The following SPR variants were observed in gnomAD, a reference collection of about 807,000 sequenced individuals.
SPR encodes the protein sepiapterin reductase.
A neutral mutation model predicts 16.0 loss-of-function variants in SPR; 12 were observed. The observed-to-expected ratio is 0.75, with a 90% CI of 0.48 to 1.22. The LOEUF (loss-of-function observed/expected upper bound fraction) is 1.22, where lower values mean the gene tolerates loss of function less well. Ranked by LOEUF, SPR falls within the 50% of genes most tolerant of loss-of-function variation. SPR has a pLI of 0.00. For missense variants in SPR, 324 were observed against 344.4 expected (o/e 0.94, Z 0.47); for synonymous variants, 177 against 168.5 (o/e 1.05, Z -0.39).
In SPR at chr2:72,891,554, T is replaced by C; in HGVS notation, c.*17T>C. 6.8e-6 allele frequency: 11 copies of C among 1,614,168 alleles called. No individual in the cohort carries two copies. Among genetic ancestry groups the C allele is most frequent in the Non-Finnish European group, 9.3e-6 (11 of 1,180,024 alleles). Reference sequence around the variant, plus strand: ...GACAAATAAGCCCATGTTTTTGGCTTCCTGAACCTTTTTGCCCCCACTTTT... The same window carrying C: ...GACAAATAAGCCCATGTTTTTGGCTCCCTGAACCTTTTTGCCCCCACTTTT... On this transcript the variant is annotated 3_prime_UTR_variant, in exon 3 of 3. Coordinates refer to ENST00000234454, the MANE Select transcript of SPR (RefSeq NM_003124.5).
chr2:72,891,294 C>T, intron 2 of SPR, 53 bp from the exon 3 acceptor site: 1 of 1,600,568 alleles, frequency 6.2e-7, no homozygotes, highest in Non-Finnish European at 8.6e-7. Flanking sequence ...GACCTGAAAC[C>T]TTCTGTCCCT....
In SPR at chr2:72,891,614, C is replaced by T; in HGVS notation, c.*77C>T. On this transcript the variant is annotated 3_prime_UTR_variant, in exon 3 of 3. Transcript: ENST00000234454. ...CCAGAGCCCTGTGGCTCCCCACACCCTGCCATAGGGGCAGTCCTGCCTTAC... is the reference window on the plus strand; with the variant it reads ...CCAGAGCCCTGTGGCTCCCCACACCTTGCCATAGGGGCAGTCCTGCCTTAC... 1 of 1,527,488 alleles carries T rather than the reference C, an allele frequency of 6.5e-7. No individual in the cohort carries two copies. Among genetic ancestry groups the T allele is most frequent in the Non-Finnish European group, 9.0e-7 (1 of 1,110,200 alleles). The allele number at this position is 1,527,488 out of a possible 1,614,324, so 94.6% of individuals were successfully genotyped here.
rs911807697 is a variant in SPR, at chr2:72,887,408, A to T, written c.-25A>T. ...CGCCTCCTGCCTGGTCTCGGGTGCC[A>T]GCGCCGCCGGCGGAGAACAGGAGCA... On this transcript the variant is annotated 5_prime_UTR_variant, in exon 1 of 3. Transcript: ENST00000234454. The T allele has an allele frequency of 9.6e-6, 14 of 1,458,526 alleles. No homozygotes were observed. Among genetic ancestry groups the T allele is most frequent in the African/African-American group, 4.4e-5 (3 of 68,050 alleles). The allele number at this position is 1,458,526 out of a possible 1,614,324, so 90.3% of individuals were successfully genotyped here. A position where few individuals can be genotyped will look rare whatever the true frequency, so the allele number is the denominator to read the frequency against.
chr2:72,889,968 G>T (rs918519262), intron 2 of SPR, among the ~76,000 whole-genome samples: 3 of 152,250 alleles, frequency 2.0e-5, no homozygotes, highest in Non-Finnish European at 4.4e-5. Flanking sequence ...GGAATTCTCT[G>T]ATGTTCTGCC....
At chr2:72,890,491 G>A (rs1334337329) in intron 2 of SPR, among the ~76,000 whole-genome samples, 3 of 152,148 alleles carry the variant, frequency 2.0e-5, no homozygotes, top group South Asian at 2.1e-4. Context: ...ACAAGCGCCC[G>A]CCACCACACC....
Position 72,891,820 on chromosome 2 carries a change from A to G in SPR, c.*283A>G. The G allele has an allele frequency of 2.1e-6, 1 of 481,126 alleles. No homozygotes were observed. The highest frequency in any genetic ancestry group is 3.8e-6 in the Non-Finnish European group (1 of 263,046). 29.8% of individuals were successfully genotyped at this position (481,126 alleles called of 1,614,324 possible). The stretch of plus-strand genomic sequence containing the variant: ...CCAGGAATAGAACTTAAGGGGTGGG[A>G]AGAACAGGAAAAGAAGCTGGAACAC... On this transcript the variant is annotated 3_prime_UTR_variant, in exon 3 of 3. Coordinates refer to ENST00000234454, the MANE Select transcript of SPR (RefSeq NM_003124.5).
At chr2:72,888,998 T>C (rs1670582731) in intron 2 of SPR, among the ~76,000 whole-genome samples, 1 of 152,190 alleles carries the variant, frequency 6.6e-6, no homozygotes, top group African/African-American at 2.4e-5. Flanking sequence ...TGTTGCCTCA[T>C]TGTTAAATAG....
At chr2:72,888,931 G>A (rs1390766383) in intron 2 of SPR, among the ~76,000 whole-genome samples, 1 of 152,186 alleles carries the variant, frequency 6.6e-6, no homozygotes, top group African/African-American at 2.4e-5. Context: ...TGCCTCACAG[G>A]GCACTTGGGA....
chr2:72,891,527 A>T lies in SPR; in HGVS notation c.776A>T (p.Tyr259Phe). 1 of 1,614,234 alleles carries T rather than the reference A, an allele frequency of 6.2e-7. No individual in the cohort carries two copies. Among genetic ancestry groups the T allele is most frequent in the Non-Finnish European group, 8.5e-7 (1 of 1,180,028 alleles). The stretch of plus-strand genomic sequence containing the variant: ...AAGTCTGGAGCCCACGTGGACTTCT[A>T]TGACAAATAAGCCCATGTTTTTGGC... Reference protein sequence around the residue: ...EFKSGAHVDFYDK With the variant: ...EFKSGAHVDFFDK The change falls in exon 3 of 3, where the codon TAT becomes TTT. Residue 259 changes from tyrosine to phenylalanine, a missense_variant. By Grantham distance (22) the Tyr-to-Phe change is conservative. Coordinates refer to ENST00000234454, the MANE Select transcript of SPR (RefSeq NM_003124.5).
rs768192035 is a variant in SPR, at chr2:72,890,621, G to A, written c.596-726G>A. 3.9e-5 allele frequency among the ~76,000 whole-genome samples: 6 copies of A among 152,180 alleles called. 1 individual carries two copies. The South Asian group carries it at 8.3e-4, about 21-fold the overall frequency. ...CTCCCAAAGTGCTGGGATTACAGGCGTGAGCCACTGCACTTGGCCTAGGCT... is the reference window on the plus strand; with the variant it reads ...CTCCCAAAGTGCTGGGATTACAGGCATGAGCCACTGCACTTGGCCTAGGCT... On this transcript the variant is annotated intron_variant, in intron 2 of 2. Coordinates refer to ENST00000234454, the MANE Select transcript of SPR (RefSeq NM_003124.5).
rs59839821 is a variant in SPR at position 72,888,188 on chromosome 2, C to A, written c.305-126C>A. 4,458 of 990,802 alleles carry A rather than the reference C, an allele frequency of 4.5e-3. 134 individuals are homozygous for A. In the African/African-American group the frequency reaches 0.061, roughly 14 times the overall value. 61.4% of individuals were successfully genotyped at this position (990,802 alleles called of 1,614,324 possible). Reference sequence around the variant, plus strand: ...GAGCTGGGGAAGAGAGAAGCCTCTTCAGAAGCGCTAGGCAGCTTCCTCCTC... The same window carrying A: ...GAGCTGGGGAAGAGAGAAGCCTCTTAAGAAGCGCTAGGCAGCTTCCTCCTC... On this transcript the variant is annotated intron_variant, in intron 1 of 2. Coordinates refer to ENST00000234454, the MANE Select transcript of SPR (RefSeq NM_003124.5).
intron 2 of SPR, among the ~76,000 whole-genome samples, chr2:72,889,402 A>G (rs1197441349): frequency 6.6e-6 from 1 of 152,164 alleles, no homozygotes; most frequent in Non-Finnish European, 1.5e-5. Flanking sequence ...AGCCTGAGCA[A>G]CTTGGGCAGA....
chr2:72,887,629 T>C lies in SPR; in HGVS notation c.197T>C (p.Val66Ala). ...AERSGLRVVRVPADLGAEAGL... is the reference protein window; with the variant it reads ...AERSGLRVVRAPADLGAEAGL... ...CGGTCTGGCCTGCGCGTGGTGCGGGTGCCCGCCGACCTGGGCGCCGAGGCC... is the reference window on the plus strand; with the variant it reads ...CGGTCTGGCCTGCGCGTGGTGCGGGCGCCCGCCGACCTGGGCGCCGAGGCC... The change falls in exon 1 of 3, where the codon GTG becomes GCG. Residue 66 changes from valine (V) to alanine (A), a missense_variant. Val to Ala is a moderately conservative substitution (Grantham distance 64). Transcript: ENST00000234454. 2.1e-6 allele frequency: 3 copies of C among 1,435,524 alleles called. No homozygotes were observed. Among genetic ancestry groups the C allele is most frequent in the Non-Finnish European group, 2.7e-6 (3 of 1,104,042 alleles). The allele number at this position is 1,435,524 out of a possible 1,614,324, so 88.9% of individuals were successfully genotyped here.
chr2:72,887,792 C>A, intron 1 of SPR, 56 bp downstream of exon 1: 1 of 1,440,328 alleles, frequency 6.9e-7, no homozygotes, highest in East Asian at 2.8e-5. Context: ...TCCTCCACCG[C>A]TGGGGAATTT....
intron 2 of SPR, among the ~76,000 whole-genome samples, chr2:72,890,576 C>T (rs1670602555): frequency 6.6e-6 from 1 of 152,134 alleles, no homozygotes; most frequent in South Asian, 2.1e-4. Context: ...CTCCTGACCT[C>T]ATGATCTGCC....
rs1430511579 is a variant in SPR at position 72,891,361 on chromosome 2, G to C, written c.610G>C (p.Asp204His). Residue 204 changes from aspartate to histidine, a missense_variant, in exon 3 of 3, where the codon GAC becomes CAC. By Grantham distance (81) the Asp-to-His change is moderately conservative. Transcript: ENST00000234454. ...TCATCCTCTAGGTCCTCTGGACACA[G>C]ACATGCAGCAGTTGGCCCGGGAGAC... is the stretch of plus-strand genomic sequence containing the variant. ...LNYAPGPLDTDMQQLARETSV... is the reference protein window; with the variant it reads ...LNYAPGPLDTHMQQLARETSV... The C allele has an allele frequency of 5.0e-6, 8 of 1,614,042 alleles. No individual in the cohort carries two copies. Among genetic ancestry groups the C allele is most frequent in the Non-Finnish European group, 6.8e-6 (8 of 1,180,046 alleles).
At chr2:72,888,808 G>T (rs1170944493) in intron 2 of SPR, among the ~76,000 whole-genome samples, 1 of 152,234 alleles carries the variant, frequency 6.6e-6, no homozygotes, top group Non-Finnish European at 1.5e-5. Flanking sequence ...AGAGTGAGGA[G>T]TTTCCTGGAC....
intron 1 of SPR, 54 bp from the exon 2 acceptor site, chr2:72,888,260 G>A: frequency 1.3e-6 from 2 of 1,582,238 alleles, no homozygotes; most frequent in Non-Finnish European, 1.7e-6. Context: ...GGGAGGGCTG[G>A]GGAAGAAGAA....
intron 2 of SPR, 95 bp from the exon 3 acceptor site, chr2:72,891,252 C>G (rs1046697260): frequency 2.1e-5 from 29 of 1,359,902 alleles, no homozygotes; most frequent in Non-Finnish European, 2.9e-5. Context: ...CTGGCCAGAC[C>G]TGACTCAGCC....
Sources: gnomAD v4.1 joint callset for allele counts (sites outside exome capture counted in the v4.1 genomes callset) on GRCh38, gnomAD v4.1.1 for gene constraint, MANE v1.5 for transcripts, NCBI Gene and HGNC (gene_info 2026-07-23, HGNC 2026-07-21) for gene names.